Variants in SHANK2 observed in about 807,000 individuals in gnomAD.
SHANK2 encodes the protein SH3 and multiple ankyrin repeat domains protein 2.
A neutral mutation model predicts 133.7 loss-of-function variants in SHANK2; 43 were observed. The observed-to-expected ratio is 0.32, with a 90% CI of 0.25 to 0.41. The LOEUF is 0.41. SHANK2 is among the 10% of genes least tolerant of loss of function. SHANK2 has a pLI of 1.00. For synonymous variants in SHANK2, 1,017 were observed against 952.8 expected (o/e 1.07, Z -1.24); for missense variants, 1,994 against 2,235.8 (o/e 0.89, Z 2.18).
intron 11 of SHANK2, among the ~76,000 whole-genome samples, chr11:70,891,286 G>A (rs889812155): frequency 1.3e-5 from 2 of 152,130 alleles, no homozygotes; most frequent in Non-Finnish European, 2.9e-5. Context: ...AGGCCGAGGC[G>A]GGCAGATCAC....
intron 9 of SHANK2, among the ~76,000 whole-genome samples, chr11:71,065,955 C>T (rs1279215936): frequency 0.018 from 1,934 of 106,472 alleles, 163 homozygotes; most frequent in African/African-American, 0.089. Flanking sequence ...CAGAAGTCTC[C>T]CAGGGAGATG....
chr11:70,582,772 C>G (rs552328120), intron 17 of SHANK2, among the ~76,000 whole-genome samples: 1 of 152,334 alleles, frequency 6.6e-6, no homozygotes, highest in East Asian at 1.9e-4. Context: ...GTTCTAGAAG[C>G]TGGCGGAGCT....
chr11:70,923,109 A>G (rs557516072), intron 10 of SHANK2, among the ~76,000 whole-genome samples: 93 of 152,340 alleles, frequency 6.1e-4, no homozygotes, highest in African/African-American at 2.2e-3. Flanking sequence ...CATTGATGGT[A>G]AAAACCCATC....
At chr11:70,542,838 A>G (rs2059639692) in intron 17 of SHANK2, among the ~76,000 whole-genome samples, 1 of 152,080 alleles carries the variant, frequency 6.6e-6, no homozygotes, top group Admixed American at 6.5e-5. Flanking sequence ...CCATAGCCTC[A>G]GTTTCCCCAC....
intron 8 of SHANK2, among the ~76,000 whole-genome samples, chr11:71,085,900 TAATTATATATTA>T (rs1590895033): frequency 0.34 from 264 of 784 alleles, 29 homozygotes; most frequent in South Asian, 0.67. Flanking sequence ...ATATATATAT[TAATTATATATTA>T]ATATAACATA....
chr11:71,097,130 C>T (rs1951629684), intron 6 of SHANK2, among the ~76,000 whole-genome samples: 1 of 152,336 alleles, frequency 6.6e-6, no homozygotes, highest in Non-Finnish European at 1.5e-5. Context: ...TCAAGGGTTC[C>T]GGAATCCCTC....
chr11:70,593,689 C>CTGGGGCAGGG (rs2060359453), intron 17 of SHANK2, among the ~76,000 whole-genome samples: 2 of 152,316 alleles, frequency 1.3e-5, no homozygotes, highest in African/African-American at 4.8e-5. Context: ...GTCAGGAGGC[C>CTGGGGCAGGG]TGGGGCAGGG....
Position 70,924,191 on chromosome 11 carries a change from G to A in SHANK2, c.1108-27624C>T, listed in dbSNP as rs181392645. 5.5e-3 allele frequency among the ~76,000 whole-genome samples: 830 copies of A among 152,254 alleles called. 6 individuals are homozygous for A. Among genetic ancestry groups the A allele is most frequent in the African/African-American group, 0.019 (791 of 41,546 alleles). ...CCCACCACCCTGCACCGTTACCAGA[G>A]TCCCCAGGAGTCCCTCCTGACGGTA... On this transcript the variant is annotated intron_variant, in intron 10 of 25. Transcript: ENST00000601538.
At chr11:70,871,264 G>T (rs1949456298) in intron 11 of SHANK2, among the ~76,000 whole-genome samples, 1 of 152,222 alleles carries the variant, frequency 6.6e-6, no homozygotes. Context: ...AGGGGTCTGG[G>T]CTCGCCTGGT....
intron 2 of SHANK2, among the ~76,000 whole-genome samples, chr11:71,164,344 G>A (rs1953095201): frequency 6.6e-6 from 1 of 152,164 alleles, no homozygotes. Context: ...AGAGGCTTTG[G>A]CATTAAACAG....
chr11:70,697,862 C>A (rs1220068428), intron 15 of SHANK2, among the ~76,000 whole-genome samples: 1 of 152,210 alleles, frequency 6.6e-6, no homozygotes, highest in East Asian at 1.9e-4. Flanking sequence ...AGGACCCTCA[C>A]ATCCCCGGGG....
chr11:71,155,285 G>GA, intron 2 of SHANK2, among the ~76,000 whole-genome samples: 1 of 123,400 alleles, frequency 8.1e-6, no homozygotes, highest in Non-Finnish European at 1.7e-5. Flanking sequence ...GCTCCCAGAG[G>GA]GGTGGACCTA....
chr11:70,621,114 C>G (rs560842639), intron 17 of SHANK2, among the ~76,000 whole-genome samples: 5 of 152,208 alleles, frequency 3.3e-5, no homozygotes, highest in African/African-American at 1.2e-4. Context: ...GCACCGGGAT[C>G]GGGCAGGGTG....
intron 17 of SHANK2, among the ~76,000 whole-genome samples, chr11:70,642,720 G>A (rs1474908574): frequency 1.3e-5 from 2 of 152,286 alleles, no homozygotes; most frequent in African/African-American, 4.8e-5. Flanking sequence ...TCTGGCTCAG[G>A]AGTTGCACCT....
intron 11 of SHANK2, among the ~76,000 whole-genome samples, chr11:70,835,177 A>G (rs1555059721): frequency 6.6e-6 from 1 of 152,190 alleles, no homozygotes; most frequent in Non-Finnish European, 1.5e-5. Flanking sequence ...TGCACAGGAC[A>G]CTACTGTGTG....
chr11:71,222,350 G>T (rs1954563495), intron 2 of SHANK2, among the ~76,000 whole-genome samples: 1 of 152,192 alleles, frequency 6.6e-6, no homozygotes, highest in African/African-American at 2.4e-5. Flanking sequence ...AGGGTTGCAG[G>T]GTTGCAGGGC....
chr11:71,124,215 A>G (rs1431892853), intron 3 of SHANK2, among the ~76,000 whole-genome samples: 1 of 3,164 alleles, frequency 3.2e-4, no homozygotes, highest in Non-Finnish European at 6.0e-4. Flanking sequence ...GGTGATGATG[A>G]TGGTGACAAT....
chr11:70,903,402 A>AAATAAAAAAT (rs1950051568), intron 10 of SHANK2, among the ~76,000 whole-genome samples: 1 of 127,204 alleles, frequency 7.9e-6, no homozygotes, highest in Non-Finnish European at 1.7e-5. Context: ...AAATAAAATA[A>AAATAAAAAAT]AATAAAATAA....
intron 14 of SHANK2, among the ~76,000 whole-genome samples, chr11:70,720,076 G>C (rs782782692): frequency 8.5e-5 from 13 of 152,182 alleles, no homozygotes; most frequent in African/African-American, 3.1e-4. Context: ...AACAGCTCCT[G>C]CTGGAAGGCA....
Sources: gnomAD v4.1 joint callset for allele counts (sites outside exome capture counted in the v4.1 genomes callset) on GRCh38, gnomAD v4.1.1 for gene constraint, MANE v1.5 for transcripts, NCBI Gene and HGNC (gene_info 2026-07-23, HGNC 2026-07-21) for gene names.